The following SNED1 variants were observed in gnomAD, a reference collection of about 807,000 sequenced individuals.
The protein encoded by SNED1 is sushi, nidogen and EGF like domains 1, also known as sushi, nidogen and EGF-like domain-containing protein 1.
Under a neutral mutation model 166.7 loss-of-function variants are expected in SNED1, and 81 were observed. The observed-to-expected ratio is 0.49, with a 90% CI of 0.41 to 0.58. SNED1 has a LOEUF of 0.58. Ranked by LOEUF, SNED1 falls within the 20% of genes least tolerant of loss-of-function variation. SNED1 has a pLI of 0.00. For missense variants in SNED1, 1,604 were observed against 2,000.2 expected (o/e 0.80, Z 3.78); for synonymous variants, 762 against 822.0 (o/e 0.93, Z 1.25).
Position 241,034,654 on chromosome 2 carries a change from C to G in SNED1, c.729C>G (p.Thr243=), listed in dbSNP as rs2125009144. The G allele has an allele frequency of 1.2e-6, 2 of 1,611,040 alleles. No individual in the cohort carries two copies. The highest frequency in any genetic ancestry group is 4.5e-5 in the East Asian group (2 of 44,838). The change falls in exon 4 of 32, where the codon ACC becomes ACG. Residue 243 remains threonine (T), a synonymous_variant. Coordinates refer to ENST00000310397, the MANE Select transcript of SNED1 (RefSeq NM_001080437.3). ...ACATGGCCGAGGTGGAGACCACCAC[C>G]AACGTGGGTGTGCCCGGGCGCTGGG... ...TADMAEVETT[T]NVGVPGRWAF... is the part of the protein sequence containing the mutation.
In SNED1 at chr2:241,078,255, C is replaced by T. The variant is rs370938655; in HGVS notation, c.3917-3422C>T. Among the ~76,000 whole-genome samples, 10 of 151,552 alleles carry T rather than the reference C, an allele frequency of 6.6e-5. No homozygotes were observed. The East Asian group carries it at 7.7e-4, about 12-fold the overall frequency. ...AAAATTAGCTGGGCGTGGTGGCGGGCGCCTGTAGTCCCAGCTCCTCAGGAG... is the reference window on the plus strand; with the variant it reads ...AAAATTAGCTGGGCGTGGTGGCGGGTGCCTGTAGTCCCAGCTCCTCAGGAG... On this transcript the variant is annotated intron_variant, in intron 27 of 31. Coordinates refer to ENST00000310397, the MANE Select transcript of SNED1 (RefSeq NM_001080437.3).
chr2:241,073,397 C>G lies in SNED1; in HGVS notation c.3916+33C>G. 1 of 1,508,666 alleles carries G rather than the reference C, an allele frequency of 6.6e-7. No individual in the cohort carries two copies. The highest frequency in any genetic ancestry group is 9.0e-7 in the Non-Finnish European group (1 of 1,107,840). 93.5% of individuals were successfully genotyped at this position (1,508,666 alleles called of 1,614,324 possible). On this transcript the variant is annotated intron_variant, in intron 27 of 31. Coordinates refer to ENST00000310397, the MANE Select transcript of SNED1 (RefSeq NM_001080437.3). The surrounding 1 kb of genome is among the most constrained non-coding windows in gnomAD (Gnocchi z 6.6). The stretch of plus-strand genomic sequence containing the variant: ...AGCAGCGCTGGTGGGGACTTTGGGA[C>G]TGACTGACTGCTCTCAGGGGCCTTA...
chr2:241,027,611 T>G (rs2061013477), intron 1 of SNED1, among the ~76,000 whole-genome samples: 1 of 152,204 alleles, frequency 6.6e-6, no homozygotes, highest in Non-Finnish European at 1.5e-5. Flanking sequence ...GTAATTCTGT[T>G]TTTAATTTTG....
intron 29 of SNED1, 69 bp from the exon 30 acceptor site, chr2:241,087,323 G>T: frequency 3.4e-6 from 5 of 1,466,516 alleles, no homozygotes; most frequent in Non-Finnish European, 4.6e-6. Flanking sequence ...GGTTCACATA[G>T]CCTAGGTTAA....
chr2:241,037,384 C>T (rs781534755), intron 6 of SNED1, 31 bp downstream of exon 6: 1 of 1,451,970 alleles, frequency 6.9e-7, no homozygotes, highest in South Asian at 1.2e-5. Flanking sequence ...CCCACGGGGC[C>T]CTGCTGGGGG....
Position 241,093,659 on chromosome 2 carries a change from T to C in SNED1, c.*2023T>C, listed in dbSNP as rs575107798. On this transcript the variant is annotated 3_prime_UTR_variant, in exon 32 of 32. Coordinates refer to ENST00000310397, the MANE Select transcript of SNED1 (RefSeq NM_001080437.3). ...GTGTCAACAAGAACTGGCTCCTGAGTCCCAAGTGCTGTCACAGGACTTGCC... is the reference window on the plus strand; with the variant it reads ...GTGTCAACAAGAACTGGCTCCTGAGCCCCAAGTGCTGTCACAGGACTTGCC... 3.3e-5 allele frequency: 5 copies of C among 152,296 alleles called. No individual in the cohort carries two copies. In the South Asian group the frequency reaches 1.0e-3, roughly 32 times the overall value. 9.4% of individuals were successfully genotyped at this position (152,296 alleles called of 1,614,324 possible). A position where few individuals can be genotyped will look rare whatever the true frequency, so the allele number is the denominator to read the frequency against.
chr2:241,039,886 G>A (rs959723254), intron 6 of SNED1, among the ~76,000 whole-genome samples, 189 bp from the exon 7 acceptor site: 1 of 152,098 alleles, frequency 6.6e-6, no homozygotes, highest in Non-Finnish European at 1.5e-5. Flanking sequence ...ACAGAGCTTC[G>A]GGTGGCCAGT....
chr2:241,042,926 G>C (rs566735441), intron 8 of SNED1, among the ~76,000 whole-genome samples: 2 of 152,282 alleles, frequency 1.3e-5, no homozygotes, highest in South Asian at 4.2e-4. Flanking sequence ...ATGGAGAACA[G>C]TATCAAGCAG....
chr2:241,000,245 G>A (rs947519731), intron 1 of SNED1, among the ~76,000 whole-genome samples: 11 of 151,998 alleles, frequency 7.2e-5, no homozygotes, highest in African/African-American at 9.7e-5. Flanking sequence ...CCTCTAGTGC[G>A]CCTCCCACCC....
chr2:241,076,797 A>G (rs1036313978), intron 27 of SNED1, among the ~76,000 whole-genome samples: 3 of 151,922 alleles, frequency 2.0e-5, no homozygotes, highest in African/African-American at 7.3e-5. Context: ...GTGGAAAAGA[A>G]CTGAGAGTCC....
chr2:241,002,545 T>C (rs1469322294), intron 1 of SNED1, among the ~76,000 whole-genome samples: 1 of 151,986 alleles, frequency 6.6e-6, no homozygotes, highest in Non-Finnish European at 1.5e-5. Flanking sequence ...TGGAAGGGGA[T>C]CCTGGGGAAG....
At position 241,095,060 on chromosome 2, in the gene SNED1, G is replaced by GCCCCCC. The variant is rs10573691; in HGVS notation, c.*3434_*3439dup. The GCCCCCC allele has an allele frequency of 2.2e-5, 2 of 90,298 alleles. No individual in the cohort carries two copies. Among genetic ancestry groups the GCCCCCC allele is most frequent in the East Asian group, 5.5e-4 (2 of 3,604 alleles). The allele number at this position is 90,298 out of a possible 1,614,324, so 5.6% of individuals were successfully genotyped here. A position where few individuals can be genotyped will look rare whatever the true frequency, so the allele number is the denominator to read the frequency against. On this transcript the variant is annotated 3_prime_UTR_variant, in exon 32 of 32. Coordinates refer to ENST00000310397, the MANE Select transcript of SNED1 (RefSeq NM_001080437.3). ...CTCATTGAGTTCCCTAAGGTGACAC[G>GCCCCCC]CCCCCCCCCCCCCCCACACCCACCT...
Position 241,051,326 on chromosome 2 carries a change from A to C in SNED1, c.1736-418A>C. 1 of 171,500 alleles carries C rather than the reference A, an allele frequency of 5.8e-6. No homozygotes were observed. Among genetic ancestry groups the C allele is most frequent in the Non-Finnish European group, 1.2e-5 (1 of 81,370 alleles). The allele number at this position is 171,500 out of a possible 1,614,324, so 10.6% of individuals were successfully genotyped here. ...GTGGCAATGCCAATGCAGGTACAGA[A>C]CACACAGAAATCCAGATTGACTGCT... is the stretch of plus-strand genomic sequence containing the variant. On this transcript the variant is annotated intron_variant, in intron 12 of 31. Transcript: ENST00000310397. The surrounding 1 kb of genome is among the most constrained non-coding windows in gnomAD (Gnocchi z 4.7).
intron 1 of SNED1, among the ~76,000 whole-genome samples, chr2:241,003,584 A>T (rs1302236813): frequency 6.6e-6 from 1 of 152,258 alleles, no homozygotes; most frequent in East Asian, 1.9e-4. Flanking sequence ...GGACCTGCAC[A>T]CTTCAGCCTC....
At chr2:241,076,893 C>T (rs1395692177) in intron 27 of SNED1, among the ~76,000 whole-genome samples, 1 of 152,160 alleles carries the variant, frequency 6.6e-6, no homozygotes, top group East Asian at 1.9e-4. Context: ...AGATCGAGAC[C>T]ATGGTGAAAC....
At chr2:241,024,652 C>CTTATTTTATTTTATTTAATT (rs71049547) in intron 1 of SNED1, among the ~76,000 whole-genome samples, 1 of 139,540 alleles carries the variant, frequency 7.2e-6, no homozygotes, top group East Asian at 2.1e-4. Context: ...CTTATTTTAT[C>CTTATTTTATTTTATTTAATT]TTATTTTATT....
rs1190083771 is a variant in SNED1, at chr2:241,064,751, A to G, written c.2600-93A>G. On this transcript the variant is annotated intron_variant, in intron 19 of 31. Coordinates refer to ENST00000310397, the MANE Select transcript of SNED1 (RefSeq NM_001080437.3). This position sits in a 1 kb window ranked among gnomAD's most constrained non-coding sequence, Gnocchi z 7.0. ...GCCCCCCGCCCCTCCACACCCACGC[A>G]GGAGGGACCCAGTGCCCCAGGAGCA... 18 of 858,274 alleles carry G rather than the reference A, an allele frequency of 2.1e-5. No individual in the cohort carries two copies. Among genetic ancestry groups the G allele is most frequent in the Non-Finnish European group, 3.2e-5 (18 of 565,616 alleles). 53.2% of individuals were successfully genotyped at this position (858,274 alleles called of 1,614,324 possible).
chr2:241,001,649 C>T (rs1006956664), intron 1 of SNED1, among the ~76,000 whole-genome samples: 2 of 152,182 alleles, frequency 1.3e-5, no homozygotes, highest in African/African-American at 4.8e-5. Context: ...GAGCTTGCCG[C>T]GGTCTGTGGG....
At chr2:241,056,209 G>A (rs1359676792) in intron 16 of SNED1, among the ~76,000 whole-genome samples, 10 of 152,078 alleles carry the variant, frequency 6.6e-5, no homozygotes, top group Admixed American at 6.6e-4. Flanking sequence ...TAGAAAATTT[G>A]AGCAGAGAAA....
Sources: allele counts gnomAD v4.1 joint callset (sites outside exome capture counted in the v4.1 genomes callset), GRCh38; gene constraint gnomAD v4.1.1; non-coding constraint Gnocchi (gnomAD v3.1); transcripts MANE v1.5; gene names NCBI Gene and HGNC (gene_info 2026-07-23, HGNC 2026-07-21).